Variants in GLIS3 observed in about 807,000 individuals in gnomAD.
GLIS3 encodes the protein zinc finger protein GLIS3.
Under a neutral mutation model 78.6 loss-of-function variants are expected in GLIS3, and 53 were observed. That is an observed-to-expected ratio of 0.67 (90% confidence interval 0.54 to 0.85). The LOEUF is 0.85. Among genes scored for constraint, GLIS3 ranks in the 40% least tolerant of loss-of-function variants. GLIS3 has a pLI of 0.00. For synonymous variants in GLIS3, 684 were observed against 509.9 expected (o/e 1.34, Z -4.60); for missense variants, 1,703 against 1,231.1 (o/e 1.38, Z -5.74).
intron 4 of GLIS3, among the ~76,000 whole-genome samples, chr9:4,028,913 A>C (rs559104341): frequency 6.6e-6 from 1 of 152,310 alleles, no homozygotes; most frequent in Admixed American, 6.5e-5. Context: ...TTCCTTATGC[A>C]AACACTGTTG....
intron 2 of GLIS3, among the ~76,000 whole-genome samples, chr9:4,224,638 A>G (rs1272692313): frequency 1.3e-5 from 2 of 151,986 alleles, no homozygotes; most frequent in African/African-American, 4.8e-5. Flanking sequence ...TACGAGACGC[A>G]TTTTGAGTCC....
the GLIS3 span, among the ~76,000 whole-genome samples, chr9:4,419,993 T>G: frequency 6.6e-6 from 1 of 152,150 alleles, no homozygotes; most frequent in Non-Finnish European, 1.5e-5. Context: ...TTGAGCACCG[T>G]CTACAGGGAT....
At chr9:3,846,433 A>C (rs76731608) in intron 9 of GLIS3, among the ~76,000 whole-genome samples, 1 of 152,214 alleles carries the variant, frequency 6.6e-6, no homozygotes, top group African/African-American at 2.4e-5. Context: ...TATCTGATAC[A>C]CAGTAGAAAA....
intron 4 of GLIS3, among the ~76,000 whole-genome samples, chr9:4,029,308 A>G (rs892894439): frequency 5.3e-5 from 8 of 151,896 alleles, no homozygotes; most frequent in Non-Finnish European, 1.0e-4. Flanking sequence ...TGTGCTCCCC[A>G]TCATTTTTAA....
the GLIS3 span, among the ~76,000 whole-genome samples, chr9:4,487,804 C>T: frequency 1.3e-5 from 2 of 152,036 alleles, no homozygotes; most frequent in Non-Finnish European, 2.9e-5. Context: ...CCTCTTGCCT[C>T]AGCCTCCCAA....
the GLIS3 span, among the ~76,000 whole-genome samples, chr9:4,446,131 G>A: frequency 9.5e-4 from 144 of 152,324 alleles, 1 homozygote; most frequent in Middle Eastern, 3.4e-3. Flanking sequence ...CTGATTTACA[G>A]ATGTTCTGGT....
At chr9:4,037,908 C>A (rs1171844146) in intron 4 of GLIS3, among the ~76,000 whole-genome samples, 1 of 151,742 alleles carries the variant, frequency 6.6e-6, no homozygotes, top group African/African-American at 2.4e-5. Context: ...ATTTTATACA[C>A]ACTTTTCAGC....
chr9:4,381,390 T>C, the GLIS3 span, among the ~76,000 whole-genome samples: 2 of 152,226 alleles, frequency 1.3e-5, no homozygotes, highest in African/African-American at 4.8e-5. Context: ...AAGAGGGCTC[T>C]ATGACATTAT....
At chr9:4,381,449 C>G in the GLIS3 span, among the ~76,000 whole-genome samples, 6 of 152,118 alleles carry the variant, frequency 3.9e-5, no homozygotes, top group African/African-American at 1.4e-4. Flanking sequence ...TAAGCACCAA[C>G]CGGACGGACA....
chr9:4,166,319 G>C (rs112296034), intron 2 of GLIS3, among the ~76,000 whole-genome samples: 3 of 152,206 alleles, frequency 2.0e-5, no homozygotes, highest in African/African-American at 4.8e-5. Context: ...CTTTGATACA[G>C]TGAAGGGTGG....
intron 6 of GLIS3, among the ~76,000 whole-genome samples, chr9:3,928,096 G>A (rs533154041): frequency 4.6e-5 from 7 of 152,208 alleles, no homozygotes; most frequent in South Asian, 2.1e-4. Flanking sequence ...TTTGTGACTC[G>A]CTTTTAAAAA....
intron 2 of GLIS3, chr9:4,285,810 G>A (rs1827938918): frequency 1.7e-6 from 1 of 579,894 alleles, no homozygotes; most frequent in Non-Finnish European, 3.1e-6. Context: ...CTGTTACTCT[G>A]TTTCACAGTC....
chr9:4,062,699 G>T (rs911097407), intron 4 of GLIS3, among the ~76,000 whole-genome samples: 2 of 152,128 alleles, frequency 1.3e-5, no homozygotes, highest in African/African-American at 4.8e-5. Context: ...AGGCCGAGGC[G>T]GGCGGATCAC....
chr9:4,088,958 G>T (rs1458120168), intron 4 of GLIS3, among the ~76,000 whole-genome samples: 2 of 152,244 alleles, frequency 1.3e-5, no homozygotes, highest in Admixed American at 6.5e-5. Context: ...CAGCTCCTCA[G>T]ATGGAGTTAC....
chr9:4,424,863 T>A, the GLIS3 span, among the ~76,000 whole-genome samples: 3 of 147,578 alleles, frequency 2.0e-5, no homozygotes, highest in Non-Finnish European at 3.0e-5. Context: ...CCCAGCCCAT[T>A]TTTTTTTTTT....
chr9:3,909,831 G>A lies in GLIS3; in HGVS notation c.1984-10996C>T, dbSNP rs565770996. Among the ~76,000 whole-genome samples, 6 of 152,316 alleles carry A rather than the reference G, an allele frequency of 3.9e-5. No homozygotes were observed. In the South Asian group the frequency reaches 8.3e-4, roughly 21 times the overall value. On this transcript the variant is annotated intron_variant, in intron 6 of 10. Coordinates refer to ENST00000381971, the MANE Select transcript of GLIS3 (RefSeq NM_001042413.2). ...ACTATCCAGTTGAAATTTCTGTGAC[G>A]ATGGAAAGGTTCTGCACTGCACTAA...
intron 4 of GLIS3, among the ~76,000 whole-genome samples, chr9:4,104,111 T>C (rs1830579137): frequency 6.6e-6 from 1 of 152,148 alleles, no homozygotes; most frequent in Non-Finnish European, 1.5e-5. Context: ...TAATTTTAGA[T>C]GTTACCTAGA....
the GLIS3 span, among the ~76,000 whole-genome samples, chr9:4,446,224 C>T: frequency 2.0e-5 from 3 of 152,086 alleles, no homozygotes; most frequent in Non-Finnish European, 2.9e-5. Context: ...ATAATTAAGC[C>T]ATGAGGGCTT....
intron 4 of GLIS3, among the ~76,000 whole-genome samples, chr9:3,980,813 TTTCTTC>T (rs201436802): frequency 4.6e-5 from 7 of 152,174 alleles, no homozygotes; most frequent in Admixed American, 2.0e-4. Flanking sequence ...CTCACTGACT[TTTCTTC>T]TTCTTCTTCT....
Sources: allele counts gnomAD v4.1 joint callset (sites outside exome capture counted in the v4.1 genomes callset), GRCh38; gene constraint gnomAD v4.1.1; transcripts MANE v1.5; gene names NCBI Gene and HGNC (gene_info 2026-07-23, HGNC 2026-07-21).